The following TULP4 variants were observed in gnomAD, a reference collection of about 807,000 sequenced individuals.
TULP4 encodes TUB like protein 4.
TULP4 carries 16 observed loss-of-function variants against 129.0 expected under a neutral mutation model. That is an observed-to-expected ratio of 0.12 (90% CI 0.08 to 0.19). TULP4 has a LOEUF of 0.19. Ranked by LOEUF, TULP4 falls within the 10% of genes least tolerant of loss-of-function variation. The pLI, the probability that TULP4 is intolerant of heterozygous loss-of-function variation, is 1.00. For missense variants in TULP4, 1,842 were observed against 2,059.1 expected (o/e 0.89, Z 2.04); for synonymous variants, 998 against 854.0 (o/e 1.17, Z -2.94).
intron 1 of TULP4, among the ~76,000 whole-genome samples, chr6:158,390,249 A>G (rs910391064): frequency 6.6e-6 from 1 of 152,162 alleles, no homozygotes; most frequent in Admixed American, 6.5e-5. Flanking sequence ...AAACACAATT[A>G]TGTACATAAA....
chr6:158,432,166 A>G (rs916074962), intron 3 of TULP4, among the ~76,000 whole-genome samples: 8 of 152,118 alleles, frequency 5.3e-5, no homozygotes, highest in Admixed American at 6.5e-5. Flanking sequence ...ACCCTGGGAA[A>G]AATTTACCAC....
At chr6:158,336,950 T>C (rs1216659893) in intron 1 of TULP4, among the ~76,000 whole-genome samples, 1 of 152,160 alleles carries the variant, frequency 6.6e-6, no homozygotes, top group African/African-American at 2.4e-5. Flanking sequence ...GTCTCACTAG[T>C]GTCTTAGAGC....
At chr6:158,489,796 C>G in intron 9 of TULP4, 64 bp downstream of exon 9, 1 of 1,590,068 alleles carries the variant, frequency 6.3e-7, no homozygotes, top group Non-Finnish European at 8.6e-7. Flanking sequence ...TTTGTGCCTG[C>G]AACAGAATCG....
chr6:158,239,582 A>T (rs866445727), intron 1 of TULP4, among the ~76,000 whole-genome samples: 1 of 32,172 alleles, frequency 3.1e-5, no homozygotes, highest in African/African-American at 1.1e-4. Context: ...CTGGCCGGGC[A>T]GGGGGGCTGA....
At chr6:158,434,618 G>T (rs1778712262) in intron 3 of TULP4, among the ~76,000 whole-genome samples, 1 of 152,168 alleles carries the variant, frequency 6.6e-6, no homozygotes, top group African/African-American at 2.4e-5. Flanking sequence ...TTGAGACGTT[G>T]ACATTTTGAA....
rs756568666 is a variant in TULP4, at chr6:158,502,465, C to T, written c.2802C>T (p.Val934=). ...TLRLTATEKK[V]PQPCSSATLN... ...GGCTCACGGCCACTGAGAAGAAGGT[C>T]CCTCAGCCCTGCAGCAGTGCCACCC... Residue 934 remains valine, a synonymous_variant, in exon 13 of 14, where the codon GTC becomes GTT. Transcript: ENST00000367097. The T allele has an allele frequency of 1.2e-6, 2 of 1,613,442 alleles. No individual in the cohort carries two copies. Among genetic ancestry groups the T allele is most frequent in the South Asian group, 1.1e-5 (1 of 91,060 alleles).
At chr6:158,477,687 A>G (rs549881838) in intron 6 of TULP4, among the ~76,000 whole-genome samples, 260 of 152,366 alleles carry the variant, frequency 1.7e-3, no homozygotes, top group Non-Finnish European at 2.8e-3. Flanking sequence ...TAGTTCGGCC[A>G]TTGTAGAAAA....
intron 1 of TULP4, among the ~76,000 whole-genome samples, chr6:158,404,451 A>C (rs1777928405): frequency 6.6e-6 from 1 of 152,162 alleles, no homozygotes; most frequent in Non-Finnish European, 1.5e-5. Flanking sequence ...TAATGTATTG[A>C]GGATATGTAC....
intron 1 of TULP4, among the ~76,000 whole-genome samples, chr6:158,265,474 G>T: frequency 6.6e-6 from 1 of 151,954 alleles, no homozygotes; most frequent in East Asian, 1.9e-4. Flanking sequence ...GAGGTCAGGA[G>T]ATCGAGACCA....
At chr6:158,271,295 G>A (rs775825143) in intron 1 of TULP4, among the ~76,000 whole-genome samples, 4 of 152,102 alleles carry the variant, frequency 2.6e-5, no homozygotes, top group Admixed American at 6.5e-5. Flanking sequence ...GCCAAGTTAA[G>A]TGGGTGCCTA....
intron 11 of TULP4, among the ~76,000 whole-genome samples, chr6:158,498,402 T>C (rs1780375246): frequency 6.6e-6 from 1 of 152,248 alleles, no homozygotes; most frequent in African/African-American, 2.4e-5. Context: ...ACATTTGAAA[T>C]TTGTAGTTCT....
intron 1 of TULP4, chr6:158,242,044 C>G (rs1777931164): frequency 1.3e-6 from 1 of 794,778 alleles, no homozygotes; most frequent in African/African-American, 1.7e-5. Flanking sequence ...ATCTAGTAAC[C>G]CTACATCCGT....
chr6:158,407,617 TGTG>T (rs1019136931), intron 1 of TULP4, among the ~76,000 whole-genome samples: 2 of 151,942 alleles, frequency 1.3e-5, no homozygotes, highest in African/African-American at 4.8e-5. Context: ...ATCAACAAAA[TGTG>T]GTCTCTCAAT....
In TULP4 at chr6:158,502,913, G is replaced by A. The variant is rs34559793; in HGVS notation, c.3250G>A (p.Val1084Ile). The change falls in exon 13 of 14, where the codon GTC becomes ATC. Residue 1084 changes from valine (V) to isoleucine (I), a missense_variant. Val to Ile is a conservative substitution (Grantham distance 29). Coordinates refer to ENST00000367097, the MANE Select transcript of TULP4 (RefSeq NM_020245.5). ...CAGCGCCCGCGACCGCACCGACTAC[G>A]TCAACTCGGCCTTCACGGAGGACGA... ...PDSARDRTDY[V>I]NSAFTEDEAL... The A allele has an allele frequency of 4.4e-4, 707 of 1,613,996 alleles. 2 individuals are homozygous for A. The African/African-American group carries it at 7.4e-3, about 17-fold the overall frequency.
chr6:158,365,899 C>CTTTTTTTTTTTTTTTTTTTTTTTTTTT (rs5881257), intron 1 of TULP4, among the ~76,000 whole-genome samples: 2 of 57,542 alleles, frequency 3.5e-5, no homozygotes, highest in African/African-American at 7.3e-5. Context: ...CTTTTTCTTT[C>CTTTTTTTTTTTTTTTTTTTTTTTTTTT]TTTTTTTTTT....
At chr6:158,404,514 A>C (rs1301459375) in intron 1 of TULP4, among the ~76,000 whole-genome samples, 1 of 152,120 alleles carries the variant, frequency 6.6e-6, no homozygotes, top group Non-Finnish European at 1.5e-5. Context: ...GCGGTGGCTC[A>C]GGCCTGTAAT....
chr6:158,242,348 G>T, intron 1 of TULP4: 1 of 1,524,314 alleles, frequency 6.6e-7, no homozygotes, highest in African/African-American at 1.4e-5. Context: ...TTTCCCAATT[G>T]CTTTGAGCTG....
chr6:158,423,948 C>A (rs1001339560), intron 2 of TULP4, among the ~76,000 whole-genome samples: 3 of 151,902 alleles, frequency 2.0e-5, no homozygotes, highest in Non-Finnish European at 4.4e-5. Flanking sequence ...CCAACTTCTT[C>A]TCTTTGGAAG....
chr6:158,462,858 T>G (rs1779469411), intron 6 of TULP4, among the ~76,000 whole-genome samples: 1 of 150,374 alleles, frequency 6.7e-6, no homozygotes, highest in Non-Finnish European at 1.5e-5. Context: ...CAAGCAATTC[T>G]CCTGCCTCAG....
Sources: allele counts gnomAD v4.1 joint callset (sites outside exome capture counted in the v4.1 genomes callset), GRCh38; gene constraint gnomAD v4.1.1; transcripts MANE v1.5; gene names NCBI Gene and HGNC (gene_info 2026-07-23, HGNC 2026-07-21).